The following SLC2A13 variants were observed in gnomAD, a reference collection of about 807,000 sequenced individuals.
The protein encoded by SLC2A13 is solute carrier family 2 member 13.
In SLC2A13, 32 loss-of-function variants were observed where a neutral mutation model predicts 64.4. The ratio of observed to expected loss-of-function variants is 0.50; its 90% CI spans 0.37 to 0.67. The LOEUF is 0.67. SLC2A13 is among the 30% of genes least tolerant of loss of function. SLC2A13 has a pLI of 0.00. For missense variants in SLC2A13, 743 were observed against 829.2 expected, an observed-to-expected ratio of 0.90 and a Z score of 1.28; for synonymous variants, 338 against 327.1, an observed-to-expected ratio of 1.03 and a Z score of -0.36.
At chr12:39,871,366 C>G (rs1944048984) in intron 5 of SLC2A13, among the ~76,000 whole-genome samples, 1 of 132,948 alleles carries the variant, frequency 7.5e-6, no homozygotes, top group Admixed American at 8.4e-5. Flanking sequence ...TAATATTCCA[C>G]TGCTGAAAGA....
intron 7 of SLC2A13, among the ~76,000 whole-genome samples, chr12:39,797,124 T>C (rs1255719345): frequency 6.6e-6 from 1 of 152,206 alleles, no homozygotes; most frequent in Non-Finnish European, 1.5e-5. Context: ...TAATGAAAAC[T>C]ATTCATTTTG....
intron 7 of SLC2A13, among the ~76,000 whole-genome samples, chr12:39,802,902 AAT>A (rs1169310710): frequency 2.6e-5 from 4 of 152,298 alleles, no homozygotes; most frequent in African/African-American, 9.6e-5. Flanking sequence ...ATCAAAATAA[AAT>A]ATGTCATAGG....
Position 39,955,679 on chromosome 12 carries a change from G to A in SLC2A13, c.926-4314C>T, listed in dbSNP as rs560945300. 1.4e-4 allele frequency among the ~76,000 whole-genome samples: 22 copies of A among 152,138 alleles called. No individual in the cohort carries two copies. The South Asian group carries it at 3.1e-3, about 22-fold the overall frequency. ...TAATTAAGTTAAAAATTTTGCGATCGGAAGACAATCCTAGATCATCCAGGT... is the reference window on the plus strand; with the variant it reads ...TAATTAAGTTAAAAATTTTGCGATCAGAAGACAATCCTAGATCATCCAGGT... On this transcript the variant is annotated intron_variant, in intron 3 of 9. Transcript: ENST00000280871.
chr12:39,783,252 T>A (rs573184691), intron 7 of SLC2A13, among the ~76,000 whole-genome samples: 1 of 152,248 alleles, frequency 6.6e-6, no homozygotes, highest in Non-Finnish European at 1.5e-5. Flanking sequence ...TGCCACATTT[T>A]CTTAATTCAC....
chr12:40,020,833 A>T (rs896863153), intron 3 of SLC2A13, among the ~76,000 whole-genome samples: 3 of 152,120 alleles, frequency 2.0e-5, no homozygotes, highest in African/African-American at 4.8e-5. Context: ...ACCTATACTG[A>T]ATGATGGATT....
At chr12:39,766,165 C>G (rs899712870) in intron 7 of SLC2A13, among the ~76,000 whole-genome samples, 1 of 152,092 alleles carries the variant, frequency 6.6e-6, no homozygotes, top group African/African-American at 2.4e-5. Flanking sequence ...GTGCTACACC[C>G]AGATCTGCCT....
chr12:39,785,265 G>A (rs1213525532), intron 7 of SLC2A13, among the ~76,000 whole-genome samples: 1 of 152,160 alleles, frequency 6.6e-6, no homozygotes, highest in Non-Finnish European at 1.5e-5. Flanking sequence ...TAGAGACTTG[G>A]TGCCCTGTGT....
chr12:39,773,638 C>T (rs1940665582), intron 7 of SLC2A13, among the ~76,000 whole-genome samples: 1 of 152,166 alleles, frequency 6.6e-6, no homozygotes, highest in African/African-American at 2.4e-5. Flanking sequence ...GTAGTATATT[C>T]CTTGCTTCCT....
chr12:39,763,506 A>G lies in SLC2A13; in HGVS notation c.1720+954T>C, dbSNP rs552396289. Among the ~76,000 whole-genome samples the G allele has an allele frequency of 1.2e-4, 18 of 152,194 alleles. No individual in the cohort carries two copies. The South Asian group carries it at 3.1e-3, about 26-fold the overall frequency. On this transcript the variant is annotated intron_variant, in intron 9 of 9. Transcript: ENST00000280871. ...CTTGGCAGGAACTGGGAATGTAACA[A>G]TGAACAAGGCACAGTCCTGGCCCTC...
chr12:40,039,342 C>T lies in SLC2A13; in HGVS notation c.716+8709G>A, dbSNP rs982595175. Among the ~76,000 whole-genome samples, 4 of 152,148 alleles carry T rather than the reference C, an allele frequency of 2.6e-5. No individual in the cohort carries two copies. The East Asian group carries it at 7.7e-4, about 29-fold the overall frequency. On this transcript the variant is annotated intron_variant, in intron 2 of 9. Transcript: ENST00000280871. ...TAGCATTAAAGTGTGTCTCTTTAGA[C>T]AATGTAGATCTGTGCCACATTTTTA...
At chr12:39,781,988 G>A (rs1941001868) in intron 7 of SLC2A13, among the ~76,000 whole-genome samples, 1 of 152,120 alleles carries the variant, frequency 6.6e-6, no homozygotes, top group Admixed American at 6.6e-5. Context: ...GTGAATACAG[G>A]AACTGAAAAT....
intron 4 of SLC2A13, among the ~76,000 whole-genome samples, chr12:39,899,453 T>A (rs1368978696): frequency 6.6e-6 from 1 of 152,184 alleles, no homozygotes; most frequent in African/African-American, 2.4e-5. Context: ...ATTAACTTTT[T>A]AAAGGGTTTT....
intron 4 of SLC2A13, among the ~76,000 whole-genome samples, chr12:39,937,810 C>G (rs1945941887): frequency 1.3e-5 from 2 of 152,136 alleles, no homozygotes; most frequent in African/African-American, 2.4e-5. Flanking sequence ...GATCCCCCAC[C>G]ATCTAAGGAG....
rs7305377 is a variant in SLC2A13 at position 40,105,545 on chromosome 12, G to A, written c.264C>T (p.Ser88=). The change falls in exon 1 of 10, where the codon TCC becomes TCT. Residue 88 remains serine, a synonymous_variant. Coordinates refer to ENST00000280871, the MANE Select transcript of SLC2A13 (RefSeq NM_052885.4). This position sits in a 1 kb window ranked among gnomAD's most constrained non-coding sequence, Gnocchi z 4.2. The stretch of plus-strand genomic sequence containing the variant: ...AGCCAAACAGGAAGCCGCCCAGCGC[G>A]GAGAAGACGGCCACCACGTACACGA... The part of the protein sequence containing the change: ...PAFVYVVAVF[S]ALGGFLFGYD... 215,053 of 1,577,430 alleles carry A rather than the reference G, an allele frequency of 0.14. 16,193 individuals are homozygous for A. The highest frequency in any genetic ancestry group is 0.15 in the Non-Finnish European group (170,782 of 1,164,656).
At chr12:39,872,632 C>T in intron 4 of SLC2A13, among the ~76,000 whole-genome samples, 1 of 152,178 alleles carries the variant, frequency 6.6e-6, no homozygotes, top group East Asian at 1.9e-4. Context: ...TTTAAAAGAC[C>T]ATAATGCCAG....
chr12:39,997,812 CAG>C (rs1405842269), intron 3 of SLC2A13, among the ~76,000 whole-genome samples: 4 of 151,960 alleles, frequency 2.6e-5, no homozygotes, highest in Admixed American at 2.0e-4. Flanking sequence ...GCCTGGGTGA[CAG>C]AGCGAGACTC....
chr12:39,882,029 C>A (rs759604478), intron 4 of SLC2A13, among the ~76,000 whole-genome samples: 2 of 152,136 alleles, frequency 1.3e-5, no homozygotes, highest in Non-Finnish European at 2.9e-5. Context: ...AGCCTACTCT[C>A]AAGGCTCACT....
chr12:40,070,417 C>T (rs1937908758), intron 1 of SLC2A13, among the ~76,000 whole-genome samples: 1 of 152,116 alleles, frequency 6.6e-6, no homozygotes, highest in Admixed American at 6.6e-5. Flanking sequence ...AGAGACAGAA[C>T]AAAAAACCCC....
At chr12:39,958,812 C>T (rs10877837) in intron 3 of SLC2A13, among the ~76,000 whole-genome samples, 15,958 of 151,934 alleles carry the variant, frequency 0.11, 907 homozygotes, top group Admixed American at 0.11. Context: ...GGATCCCATC[C>T]TTGCAATTCT....
Sources: gnomAD v4.1 joint callset for allele counts (sites outside exome capture counted in the v4.1 genomes callset) on GRCh38, gnomAD v4.1.1 for gene constraint, Gnocchi (gnomAD v3.1) non-coding constraint, MANE v1.5 for transcripts, NCBI Gene and HGNC (gene_info 2026-07-23, HGNC 2026-07-21) for gene names.